CLEC2A: variants seen among roughly 807,000 people sequenced by gnomAD.
CLEC2A encodes keratinocyte-associated C-type lectin.
Under a neutral mutation model 18.6 loss-of-function variants are expected in CLEC2A, and 19 were observed. The observed-to-expected ratio is 1.02, with a 90% CI of 0.71 to 1.50. CLEC2A has a LOEUF of 1.50. Among genes scored for constraint, CLEC2A ranks in the 40% most tolerant of loss-of-function variants. The probability of loss-of-function intolerance (pLI) is 0.00; values close to 1 mark genes in which losing one functional copy is unlikely to be tolerated. For missense variants in CLEC2A, 190 were observed against 207.9 expected (o/e 0.91, Z 0.53); for synonymous variants, 74 against 64.0 (o/e 1.16, Z -0.75).
At chr12:9,889,842 T>G in the CLEC2A span, among the ~76,000 whole-genome samples, 1 of 152,114 alleles carries the variant, frequency 6.6e-6, no homozygotes, top group Admixed American at 6.6e-5. Flanking sequence ...GATATTTATA[T>G]GCTATATCAA....
intron 4 of CLEC2A, among the ~76,000 whole-genome samples, chr12:9,901,215 A>G (rs1312318151): frequency 6.6e-6 from 1 of 152,182 alleles, no homozygotes; most frequent in East Asian, 1.9e-4. Context: ...ACCCCTGTAC[A>G]GTTTTCTTTA....
intron 4 of CLEC2A, among the ~76,000 whole-genome samples, chr12:9,906,842 CA>C (rs927205711): frequency 5.3e-5 from 8 of 152,176 alleles, no homozygotes; most frequent in Non-Finnish European, 8.8e-5. Flanking sequence ...TAAATCTAAA[CA>C]TATGTGTTCT....
the CLEC2A span, chr12:9,884,975 T>C: frequency 7.4e-7 from 1 of 1,350,104 alleles, no homozygotes; most frequent in Non-Finnish European, 9.6e-7. Flanking sequence ...TCTGCTCATA[T>C]TTGGATGCAT....
chr12:9,898,200 C>T (rs116165905), downstream of CLEC2A, among the ~76,000 whole-genome samples: 1,428 of 152,246 alleles, frequency 9.4e-3, 18 homozygotes, highest in African/African-American at 0.033. Context: ...GAAACCAGCC[C>T]AATTTCCTCA....
intron 2 of CLEC2A, among the ~76,000 whole-genome samples, chr12:9,922,508 A>G (rs1863190981): frequency 6.6e-6 from 1 of 152,192 alleles, no homozygotes; most frequent in African/African-American, 2.4e-5. Context: ...GCCAAAAACA[A>G]TGCATAAAAT....
At position 9,926,090 on chromosome 12, in the gene CLEC2A, G is replaced by C. The variant is rs138894921; in HGVS notation, c.139+170C>G. 1.5e-3 allele frequency among the ~76,000 whole-genome samples: 230 copies of C among 152,296 alleles called. 1 individual carries two copies. Among genetic ancestry groups the C allele is most frequent in the African/African-American group, 4.8e-3 (200 of 41,560 alleles). On this transcript the variant is annotated intron_variant, in intron 2 of 4. Coordinates refer to ENST00000455827, the MANE Select transcript of CLEC2A (RefSeq NM_001130711.2). ...ATTGTAAAACTGAGAGTGTTTGGGG[G>C]AGAGGCAAGGATTATGGTAAAAACT...
At chr12:9,932,134 A>G (rs1320395085) in intron 1 of CLEC2A, 141 bp downstream of exon 1, 8 of 632,904 alleles carry the variant, frequency 1.3e-5, no homozygotes, top group Non-Finnish European at 2.2e-5. Context: ...ACAGGCTTCC[A>G]CAATTCTCCG....
At chr12:9,894,188 TTTC>T (rs1862727200), downstream of CLEC2A, among the ~76,000 whole-genome samples, 1 of 151,028 alleles carries the variant, frequency 6.6e-6, no homozygotes, top group Non-Finnish European at 1.5e-5. Flanking sequence ...TCTTTCTTTC[TTTC>T]TTTTTTTTTC....
chr12:9,886,895 G>A, the CLEC2A span, among the ~76,000 whole-genome samples: 5 of 152,090 alleles, frequency 3.3e-5, no homozygotes, highest in African/African-American at 1.2e-4. Context: ...TTTGGTTTTG[G>A]AGTGAGAGAG....
chr12:9,882,657 T>G, the CLEC2A span, among the ~76,000 whole-genome samples: 2 of 152,156 alleles, frequency 1.3e-5, no homozygotes, highest in African/African-American at 4.8e-5. Context: ...GGCGTGTGCC[T>G]GTAATCCCAA....
chr12:9,906,025 G>GGT (rs368154179), intron 4 of CLEC2A, among the ~76,000 whole-genome samples: 2 of 146,626 alleles, frequency 1.4e-5, no homozygotes, highest in African/African-American at 5.1e-5. Flanking sequence ...TATTAGTTTT[G>GGT]TTTTTTTTTT....
chr12:9,882,908 GC>G, the CLEC2A span, among the ~76,000 whole-genome samples: 4 of 152,162 alleles, frequency 2.6e-5, no homozygotes, highest in Admixed American at 2.6e-4. Flanking sequence ...ACCTGATGAT[GC>G]TTTTATGTGG....
chr12:9,916,996 T>C (rs181118308), intron 3 of CLEC2A, among the ~76,000 whole-genome samples, 193 bp from the exon 4 acceptor site: 2 of 152,334 alleles, frequency 1.3e-5, no homozygotes, highest in East Asian at 3.9e-4. Flanking sequence ...ATTTTGCTTT[T>C]TTGCATCTTA....
At chr12:9,893,029 A>T in the CLEC2A span, 4 of 1,535,232 alleles carry the variant, frequency 2.6e-6, no homozygotes, top group South Asian at 1.2e-5. Flanking sequence ...GGACACAATT[A>T]CTTGTGCCCA....
chr12:9,905,969 A>C (rs528727959), intron 4 of CLEC2A, among the ~76,000 whole-genome samples: 22 of 151,354 alleles, frequency 1.5e-4, no homozygotes, highest in Non-Finnish European at 2.5e-4. Flanking sequence ...AAATGGTGTT[A>C]GTCCTGGATT....
intron 1 of CLEC2A, among the ~76,000 whole-genome samples, chr12:9,930,740 TTCTCTC>T (rs1336731947): frequency 6.6e-6 from 1 of 152,024 alleles, no homozygotes; most frequent in African/African-American, 2.4e-5. Context: ...TATTCTTTTT[TTCTCTC>T]TCTCTGTTTC....
chr12:9,920,169 G>C (rs1863144192), intron 3 of CLEC2A, among the ~76,000 whole-genome samples: 1 of 152,208 alleles, frequency 6.6e-6, no homozygotes, highest in Non-Finnish European at 1.5e-5. Flanking sequence ...AGATGCCATG[G>C]AAGTGGGTCC....
intron 1 of CLEC2A, among the ~76,000 whole-genome samples, chr12:9,929,106 G>A (rs1863329095): frequency 6.6e-6 from 1 of 151,992 alleles, no homozygotes; most frequent in Admixed American, 6.6e-5. Flanking sequence ...TTTGTTAAAT[G>A]TGCTCTTTTA....
rs574095268 is a variant in CLEC2A, at chr12:9,928,473, AAAAG to A, written c.56-2134_56-2131del. Reference sequence around the variant, plus strand: ...GAGTGAGGCTCTGTCTTAAAAAAGAAAAAGAAAGAAAGAAAGAAGAAGGAAAGAA... The same window carrying A: ...GAGTGAGGCTCTGTCTTAAAAAAGAAAAAGAAAGAAAGAAGAAGGAAAGAA... On this transcript the variant is annotated intron_variant, in intron 1 of 4. Transcript: ENST00000455827. Among the ~76,000 whole-genome samples the A allele has an allele frequency of 6.1e-3, 923 of 152,252 alleles. 5 individuals are homozygous for A. The highest frequency in any genetic ancestry group is 9.6e-3 in the Non-Finnish European group (650 of 68,012).
Sources: allele counts gnomAD v4.1 joint callset (sites outside exome capture counted in the v4.1 genomes callset), GRCh38; gene constraint gnomAD v4.1.1; transcripts MANE v1.5; gene names NCBI Gene and HGNC (gene_info 2026-07-23, HGNC 2026-07-21).